NHSL3: variants seen among roughly 807,000 people sequenced by gnomAD.
The protein encoded by NHSL3 is NHS-like protein 3.
the NHSL3 span, among the ~76,000 whole-genome samples, chr1:32,766,826 T>C: frequency 2.0e-5 from 3 of 152,176 alleles, no homozygotes; most frequent in African/African-American, 7.2e-5. Flanking sequence ...CAGGATTAGA[T>C]GGCCAGCCCC....
chr1:32,752,557 G>A, the NHSL3 span, among the ~76,000 whole-genome samples: 13 of 152,220 alleles, frequency 8.5e-5, no homozygotes, highest in East Asian at 7.7e-4. Flanking sequence ...AGACAGAGGT[G>A]GGAGCGCCAG....
the NHSL3 span, among the ~76,000 whole-genome samples, chr1:32,767,412 G>A: frequency 6.6e-6 from 1 of 152,074 alleles, no homozygotes; most frequent in Non-Finnish European, 1.5e-5. Flanking sequence ...TGCTTGGTGT[G>A]TGTACCTATG....
the NHSL3 span, among the ~76,000 whole-genome samples, chr1:32,757,244 T>G: frequency 6.6e-6 from 1 of 152,040 alleles, no homozygotes; most frequent in Admixed American, 6.6e-5. Flanking sequence ...GAGAGAGGTC[T>G]GGAGTCTGCA....
chr1:32,767,775 C>T, the NHSL3 span: 38 of 1,594,978 alleles, frequency 2.4e-5, no homozygotes, highest in Non-Finnish European at 3.2e-5. Flanking sequence ...CCTTCCTCCT[C>T]CCTCCTACTA....
the NHSL3 span, among the ~76,000 whole-genome samples, chr1:32,752,946 CACACATATATATATATAT>C: frequency 5.1e-3 from 124 of 24,120 alleles, 6 homozygotes; most frequent in Admixed American, 0.023. Context: ...CACACACACA[CACACATATATATATATAT>C]ATATTTTGGT....
chr1:32,768,601 T>C, the NHSL3 span: 12 of 1,597,764 alleles, frequency 7.5e-6, no homozygotes, highest in Non-Finnish European at 1.0e-5. Context: ...AAAGTTCCAA[T>C]GGGGAGCCTT....
chr1:32,772,579 CT>C, the NHSL3 span: 1 of 1,367,816 alleles, frequency 7.3e-7, no homozygotes, highest in Non-Finnish European at 9.6e-7. Flanking sequence ...AGCTGTCACC[CT>C]TGCTGGGGCC....
the NHSL3 span, among the ~76,000 whole-genome samples, chr1:32,763,378 C>G: frequency 1.3e-5 from 2 of 152,114 alleles, no homozygotes; most frequent in African/African-American, 4.8e-5. Context: ...GATTCCGTCT[C>G]CTACCATTCT....
At chr1:32,765,022 A>G in the NHSL3 span, among the ~76,000 whole-genome samples, 1 of 152,248 alleles carries the variant, frequency 6.6e-6, no homozygotes, top group South Asian at 2.1e-4. Context: ...TTTGAAGTCT[A>G]GCCTCTGCAA....
At chr1:32,750,495 T>A in the NHSL3 span, among the ~76,000 whole-genome samples, 1 of 151,934 alleles carries the variant, frequency 6.6e-6, no homozygotes, top group Non-Finnish European at 1.5e-5. Context: ...CCAAGTGAGG[T>A]CTTCCCCACC....
the NHSL3 span, chr1:32,768,178 T>C: frequency 2.6e-6 from 3 of 1,139,764 alleles, no homozygotes; most frequent in Admixed American, 3.6e-5. Flanking sequence ...CTGGCAAGGA[T>C]GTCTTGGAAC....
chr1:32,769,764 G>A, the NHSL3 span: 22 of 1,613,732 alleles, frequency 1.4e-5, no homozygotes, highest in African/African-American at 2.0e-4. Context: ...TGGGACTCCC[G>A]CAGCATGTGC....
chr1:32,769,685 G>A, the NHSL3 span: 4 of 1,612,772 alleles, frequency 2.5e-6, no homozygotes, highest in South Asian at 1.1e-5. Context: ...TCCACCTTCC[G>A]ACCCCATGAC....
chr1:32,752,949 ACATATATATATATAT>A, the NHSL3 span, among the ~76,000 whole-genome samples: 1 of 1,800 alleles, frequency 5.6e-4, no homozygotes. Flanking sequence ...ACACACACAC[ACATATATATATATAT>A]ATATTTTGGT....
At chr1:32,774,525 C>G in the NHSL3 span, 5 of 152,298 alleles carry the variant, frequency 3.3e-5, no homozygotes, top group Admixed American at 1.3e-4. Flanking sequence ...TCTACCCCAC[C>G]CCCTAGGATC....
the NHSL3 span, chr1:32,770,733 A>T: frequency 6.4e-7 from 1 of 1,555,166 alleles, no homozygotes; most frequent in Non-Finnish European, 8.7e-7. The surrounding 1 kb of genome is among the most constrained non-coding windows in gnomAD (Gnocchi z 8.3). Flanking sequence ...CTGATGGGCC[A>T]TTAGGGTTGC....
the NHSL3 span, among the ~76,000 whole-genome samples, chr1:32,750,691 A>G: frequency 3.1e-4 from 47 of 151,490 alleles, 1 homozygote; most frequent in Non-Finnish European, 2.9e-5. Context: ...TATTTTTAGT[A>G]GAGACGGGGT....
the NHSL3 span, among the ~76,000 whole-genome samples, chr1:32,760,663 T>C: frequency 8.6e-5 from 13 of 151,462 alleles, no homozygotes; most frequent in African/African-American, 3.2e-4. Context: ...TGGTCTTGGC[T>C]CACTGCAACC....
chr1:32,754,050 G>T, the NHSL3 span: 1 of 630,504 alleles, frequency 1.6e-6, no homozygotes, highest in Admixed American at 2.5e-5. Flanking sequence ...CGGGCTGGCT[G>T]GGCCGCGCTT....
Sources: allele counts gnomAD v4.1 joint callset (sites outside exome capture counted in the v4.1 genomes callset), GRCh38; gene constraint gnomAD v4.1.1; non-coding constraint Gnocchi (gnomAD v3.1); transcripts MANE v1.5; gene names NCBI Gene and HGNC (gene_info 2026-07-23, HGNC 2026-07-21).